Variants in DST observed in about 807,000 individuals in gnomAD.
DST encodes the protein bullous pemphigoid antigen.
A neutral mutation model predicts 875.2 loss-of-function variants in DST; 253 were observed. The observed-to-expected ratio is 0.29, with a 90% CI of 0.26 to 0.32. The LOEUF is 0.32. Among genes scored for constraint, DST ranks in the 10% least tolerant of loss-of-function variants. The pLI is 1.00. For missense variants in DST, 8,287 were observed against 9,111.6 expected, an observed-to-expected ratio of 0.91 and a Z score of 3.68; for synonymous variants, 3,124 against 3,197.1, an observed-to-expected ratio of 0.98 and a Z score of 0.77.
Position 56,470,343 on chromosome 6 carries a change from A to G in DST, c.22322-61T>C, listed in dbSNP as rs1002514169. 5.8e-5 allele frequency: 79 copies of G among 1,369,930 alleles called. No homozygotes were observed. The Admixed American group carries it at 1.7e-3, about 29-fold the overall frequency. The allele number at this position is 1,369,930 out of a possible 1,614,324, so 84.9% of individuals were successfully genotyped here. The stretch of plus-strand genomic sequence containing the variant: ...TTAGTTCTTTCTCAAGACATTCTCA[A>G]TTGCACATTTCAATCTCAGTGTAGC... On this transcript the variant is annotated intron_variant, in intron 95 of 103. Coordinates refer to ENST00000680361, the MANE Select transcript of DST (RefSeq NM_001374736.1).
chr6:56,805,422 C>T (rs2099751953), intron 4 of DST, among the ~76,000 whole-genome samples: 1 of 152,106 alleles, frequency 6.6e-6, no homozygotes, highest in East Asian at 1.9e-4. Context: ...AAAATACTAT[C>T]CCTGAACTAC....
At chr6:56,749,805 A>G (rs941920939) in intron 4 of DST, among the ~76,000 whole-genome samples, 2 of 152,200 alleles carry the variant, frequency 1.3e-5, no homozygotes, top group Non-Finnish European at 2.9e-5. Flanking sequence ...ACTGCTCTGA[A>G]CCACTGGAAA....
intron 4 of DST, among the ~76,000 whole-genome samples, chr6:56,772,000 A>C (rs1312041842): frequency 6.6e-6 from 1 of 152,216 alleles, no homozygotes; most frequent in Non-Finnish European, 1.5e-5. Context: ...AGAAAATAAA[A>C]GAATACCAGT....
chr6:56,622,855 A>C (rs566161243), intron 36 of DST, among the ~76,000 whole-genome samples: 60 of 152,308 alleles, frequency 3.9e-4, no homozygotes, highest in Non-Finnish European at 6.9e-4. Flanking sequence ...CATTTCTTTT[A>C]ACTAAATCAG....
rs1273213214 is a variant in DST at position 56,471,217 on chromosome 6, G to A, written c.22210C>T (p.Arg7404Ter). 6.2e-7 allele frequency: 1 copy of A among 1,600,582 alleles called. No individual in the cohort carries two copies. Among genetic ancestry groups the A allele is most frequent in the Non-Finnish European group, 8.5e-7 (1 of 1,172,722 alleles). ...DFDIWRKKYM[R>*]WMNHKKSRVM... is the part of the protein sequence containing the mutation. ...CGAGATTTCTTGTGATTCATCCATCGCATGTATTTTTTGCGCCAGATATCA... is the reference window on the plus strand; with the variant it reads ...CGAGATTTCTTGTGATTCATCCATCACATGTATTTTTTGCGCCAGATATCA... Residue 7404 changes from arginine to a stop codon, truncating the protein, a stop_gained, in exon 95 of 104, where the codon CGA becomes TGA. Transcript: ENST00000680361. LOFTEE classifies it high-confidence loss of function.
intron 102 of DST, chr6:56,461,353 C>T (rs1000431484): frequency 2.6e-5 from 4 of 152,164 alleles, no homozygotes; most frequent in Non-Finnish European, 5.9e-5. Context: ...TAATCATAAC[C>T]TTGAAAATGT....
rs779649927 is a variant in DST at position 56,593,701 on chromosome 6, C to T, written c.12688G>A (p.Asp4230Asn). The T allele has an allele frequency of 6.2e-7, 1 of 1,610,148 alleles. No individual in the cohort carries two copies. The highest frequency in any genetic ancestry group is 8.5e-7 in the Non-Finnish European group (1 of 1,177,424). Residue 4230 changes from aspartate to asparagine, a missense_variant, in exon 48 of 104, where the codon GAT becomes AAT. Physicochemically the swap from Asp to Asn is conservative, Grantham distance 23. Around this residue, in one of 10 missense-constraint regions of DST, gnomAD observed 1,513 missense variants for 1,677.8 expected, o/e 0.90. Transcript: ENST00000680361. ...ATHREVQRKL[D>N]HATDRFRSLY... ...GACCTGAACCGATCAGTAGCATGAT[C>T]CAACTTGCGCTGCACTTCTCTGTGG...
rs536198437 is a variant in DST at position 56,868,814 on chromosome 6, A to G, written c.418-17210T>C. The stretch of plus-strand genomic sequence containing the variant: ...TGCAATTAGGAAGTTGATTTGGCCT[A>G]ACAGAAATGACAAATATGTACTGAA... On this transcript the variant is annotated intron_variant, in intron 3 of 103. Coordinates refer to ENST00000680361, the MANE Select transcript of DST (RefSeq NM_001374736.1). Among the ~76,000 whole-genome samples the G allele has an allele frequency of 3.9e-5, 6 of 152,342 alleles. No individual in the cohort carries two copies. In the South Asian group the frequency reaches 1.0e-3, roughly 26 times the overall value.
At position 56,619,634 on chromosome 6, in the gene DST, C is replaced by T. The variant is rs147704763; in HGVS notation, c.4929+4896G>A. On this transcript the variant is annotated intron_variant, in intron 36 of 103. Coordinates refer to ENST00000680361, the MANE Select transcript of DST (RefSeq NM_001374736.1). Reference sequence around the variant, plus strand: ...AGATTCTAATTCTAACTGATAATTGCGCTTTATTTTCTTGAGATCACTAGC... The same window carrying T: ...AGATTCTAATTCTAACTGATAATTGTGCTTTATTTTCTTGAGATCACTAGC... 889 of 1,613,746 alleles carry T rather than the reference C, an allele frequency of 5.5e-4. 2 individuals are homozygous for T. The African/African-American group carries it at 9.8e-3, about 18-fold the overall frequency.
rs1175721998 is a variant in DST, at chr6:56,568,609, AAC to A, written c.13879-16_13879-15del. ...TTCTTGTAATTTCTTGAGATATAAA[AAC>A]ACATTATTTTTCCATCTTAATATTT... On this transcript the variant is annotated splice_polypyrimidine_tract_variant and intron_variant, in intron 54 of 103. Coordinates refer to ENST00000680361, the MANE Select transcript of DST (RefSeq NM_001374736.1). 5 of 1,576,806 alleles carry A rather than the reference AAC, an allele frequency of 3.2e-6. No homozygotes were observed. The African/African-American group carries it at 5.4e-5, about 17-fold the overall frequency.
chr6:56,914,741 G>A (rs79155794), intron 2 of DST, among the ~76,000 whole-genome samples: 4,455 of 152,190 alleles, frequency 0.029, 192 homozygotes, highest in African/African-American at 0.1. Flanking sequence ...TGACAAGAAA[G>A]ATCCAGCAAC....
At chr6:56,793,097 A>AC (rs2099732791) in intron 4 of DST, among the ~76,000 whole-genome samples, 6 of 146,498 alleles carry the variant, frequency 4.1e-5, no homozygotes, top group South Asian at 2.1e-4. Flanking sequence ...AAAAAAAAAA[A>AC]AAGCAAAAGG....
intron 4 of DST, among the ~76,000 whole-genome samples, chr6:56,825,056 A>C (rs1441117589): frequency 6.6e-6 from 1 of 152,194 alleles, no homozygotes; most frequent in Non-Finnish European, 1.5e-5. Context: ...TGGAATAGAA[A>C]GGGCGGAAAG....
intron 4 of DST, among the ~76,000 whole-genome samples, chr6:56,796,753 A>G (rs13220851): frequency 6.6e-6 from 1 of 151,886 alleles, no homozygotes; most frequent in African/African-American, 2.4e-5. Flanking sequence ...ATTGTTATAT[A>G]CTGTAGTAAC....
chr6:56,566,647 A>T (rs2097684611), intron 55 of DST, among the ~76,000 whole-genome samples: 1 of 152,202 alleles, frequency 6.6e-6, no homozygotes, highest in Non-Finnish European at 1.5e-5. Flanking sequence ...CTATTCAGCC[A>T]TCTTGCCAGC....
At chr6:56,622,782 T>C (rs2152744069) in intron 36 of DST, among the ~76,000 whole-genome samples, 1 of 152,302 alleles carries the variant, frequency 6.6e-6, no homozygotes, top group Non-Finnish European at 1.5e-5. Flanking sequence ...GCATATTTTG[T>C]TCTCAGCACA....
At chr6:56,691,406 A>C (rs1329765985) in intron 9 of DST, among the ~76,000 whole-genome samples, 2 of 152,166 alleles carry the variant, frequency 1.3e-5, no homozygotes, top group African/African-American at 2.4e-5. Context: ...TCAGAAACCA[A>C]GGTCAGTGAT....
rs1456562854 is a variant in DST at position 56,632,905 on chromosome 6, C to T, written c.3754G>A (p.Val1252Ile). The change falls in exon 28 of 104, where the codon GTT (valine) becomes ATT (isoleucine). Residue 1252 changes from valine to isoleucine, a missense_variant. Val to Ile is a conservative substitution (Grantham distance 29). Transcript: ENST00000680361. Reference protein sequence around the residue: ...GSDITQLEKEVNVCKQYYQEL... With the variant: ...GSDITQLEKEINVCKQYYQEL... ...TGATAATACTGCTTACATACATTAA[C>T]CTCCTTTTCCAGTTGTGTTATATCT... 4.3e-6 allele frequency: 7 copies of T among 1,613,932 alleles called. No individual in the cohort carries two copies. The highest frequency in any genetic ancestry group is 5.9e-6 in the Non-Finnish European group (7 of 1,179,952).
chr6:56,913,888 A>AT (rs1231462180), intron 2 of DST, among the ~76,000 whole-genome samples: 2 of 152,166 alleles, frequency 1.3e-5, no homozygotes, highest in Admixed American at 6.5e-5. Context: ...TAATCTGATG[A>AT]TTTTTTTTAT....
Sources: gnomAD v4.1 joint callset for allele counts (sites outside exome capture counted in the v4.1 genomes callset) on GRCh38, gnomAD v4.1.1 for gene constraint, gnomAD v4.1.1 regional missense constraint, MANE v1.5 for transcripts, NCBI Gene and HGNC (gene_info 2026-07-23, HGNC 2026-07-21) for gene names.